The following ZBBX variants were observed in gnomAD, a reference collection of about 807,000 sequenced individuals.
ZBBX encodes zinc finger B-box domain-containing protein 1.
A neutral mutation model predicts 108.5 loss-of-function variants in ZBBX; 101 were observed. The ratio of observed to expected loss-of-function variants is 0.93; its 90% CI spans 0.79 to 1.10. The LOEUF is 1.10. Ranked by LOEUF, ZBBX falls within the 50% of genes least tolerant of loss-of-function variation. ZBBX has a pLI of 0.00. For synonymous variants in ZBBX, 356 were observed against 323.4 expected (o/e 1.10, Z -1.08); for missense variants, 1,009 against 941.4 (o/e 1.07, Z -0.94).
chr3:167,212,738 T>C, the ZBBX span, among the ~76,000 whole-genome samples: 1 of 152,008 alleles, frequency 6.6e-6, no homozygotes, highest in Non-Finnish European at 1.5e-5. Context: ...AATCCAGAAG[T>C]GCCAAGTCAT....
intron 9 of ZBBX, among the ~76,000 whole-genome samples, chr3:167,342,943 C>A (rs1308787937): frequency 2.0e-5 from 3 of 151,706 alleles, no homozygotes; most frequent in Non-Finnish European, 4.4e-5. Flanking sequence ...CAGTTTTTAT[C>A]TACCAATTAT....
At chr3:167,356,904 T>G (rs1259266658) in intron 8 of ZBBX, among the ~76,000 whole-genome samples, 3 of 152,186 alleles carry the variant, frequency 2.0e-5, no homozygotes, top group African/African-American at 4.8e-5. Context: ...GCTATCAATG[T>G]AAGTAACATT....
At chr3:167,281,734 C>T (rs372927736) in intron 20 of ZBBX, among the ~76,000 whole-genome samples, 27 of 152,250 alleles carry the variant, frequency 1.8e-4, no homozygotes, top group East Asian at 1.2e-3. Context: ...ACTGGCATCA[C>T]CTGGGTATTT....
intron 1 of ZBBX, among the ~76,000 whole-genome samples, chr3:167,396,189 T>G (rs572698979): frequency 8.5e-5 from 13 of 152,066 alleles, no homozygotes; most frequent in Non-Finnish European, 1.6e-4. Context: ...AGTCTTTATC[T>G]GCCCTACAGT....
chr3:167,336,733 T>A (rs751207753), intron 9 of ZBBX, among the ~76,000 whole-genome samples: 66 of 152,230 alleles, frequency 4.3e-4, no homozygotes, highest in Non-Finnish European at 8.1e-4. Flanking sequence ...CTCTAACAGA[T>A]TTGAACATTG....
intron 20 of ZBBX, among the ~76,000 whole-genome samples, chr3:167,266,332 T>C (rs532517821): frequency 6.6e-6 from 1 of 152,366 alleles, no homozygotes; most frequent in African/African-American, 2.4e-5. Flanking sequence ...TGTGAGTCTC[T>C]CTTCAAAAGG....
intron 12 of ZBBX, among the ~76,000 whole-genome samples, chr3:167,319,684 GT>G (rs959232947): frequency 8.9e-4 from 135 of 151,934 alleles, no homozygotes; most frequent in African/African-American, 3.1e-3. Flanking sequence ...TGGAAAATTT[GT>G]TTCTTTCAGT....
At chr3:167,188,974 A>C in the ZBBX span, among the ~76,000 whole-genome samples, 1 of 152,210 alleles carries the variant, frequency 6.6e-6, no homozygotes, top group Admixed American at 6.5e-5. Context: ...GGTGATTTTC[A>C]TACTTTACCT....
chr3:167,340,954 T>G (rs777780214), intron 9 of ZBBX, among the ~76,000 whole-genome samples: 11 of 151,948 alleles, frequency 7.2e-5, no homozygotes, highest in Non-Finnish European at 1.6e-4. Context: ...AAAACAGATA[T>G]GGTATTTGCA....
intron 20 of ZBBX, among the ~76,000 whole-genome samples, chr3:167,243,271 A>G (rs1720993431): frequency 6.6e-6 from 1 of 152,250 alleles, no homozygotes; most frequent in Non-Finnish European, 1.5e-5. Context: ...GTAACTAAAT[A>G]TCATTGTATA....
intron 20 of ZBBX, among the ~76,000 whole-genome samples, chr3:167,271,697 A>C (rs779305273): frequency 6.6e-6 from 1 of 152,156 alleles, no homozygotes. Context: ...TGTAAAAAAA[A>C]CCCAACAAAC....
chr3:167,241,049 T>A, intron 21 of ZBBX, 130 bp from the exon 22 acceptor site: 1 of 952,824 alleles, frequency 1.0e-6, no homozygotes, highest in Non-Finnish European at 1.5e-6. Flanking sequence ...TGTATCAGAC[T>A]GGGGCCATAA....
intron 18 of ZBBX, among the ~76,000 whole-genome samples, chr3:167,292,162 C>T (rs932164570): frequency 2.4e-4 from 36 of 152,232 alleles, no homozygotes; most frequent in Non-Finnish European, 4.4e-4. Context: ...AGAAAATTAA[C>T]AAGGATATCC....
chr3:167,314,223 G>A, intron 15 of ZBBX, 107 bp from the exon 16 acceptor site: 1 of 848,504 alleles, frequency 1.2e-6, no homozygotes, highest in Non-Finnish European at 1.7e-6. Flanking sequence ...AACTTTAATA[G>A]GGTTATTTAC....
the ZBBX span, among the ~76,000 whole-genome samples, chr3:167,202,255 T>C: frequency 6.6e-6 from 1 of 152,136 alleles, no homozygotes; most frequent in African/African-American, 2.4e-5. Flanking sequence ...AGGAAAAGTT[T>C]AGTTTTATTA....
intron 1 of ZBBX, among the ~76,000 whole-genome samples, chr3:167,395,947 T>G (rs1050142777): frequency 1.3e-5 from 2 of 152,006 alleles, no homozygotes; most frequent in African/African-American, 4.8e-5. Context: ...ACTTTAAGGC[T>G]TGGGTACAAA....
chr3:167,226,893 T>A, the ZBBX span, among the ~76,000 whole-genome samples: 3 of 151,760 alleles, frequency 2.0e-5, no homozygotes, highest in Non-Finnish European at 4.4e-5. Context: ...CTATGCGTAA[T>A]AACTAATAAT....
chr3:167,394,703 T>A (rs1748177413), intron 1 of ZBBX, among the ~76,000 whole-genome samples: 1 of 151,984 alleles, frequency 6.6e-6, no homozygotes, highest in Non-Finnish European at 1.5e-5. Context: ...AAACTTGACA[T>A]ATTGAGAAAT....
At chr3:167,179,838 A>G in the ZBBX span, among the ~76,000 whole-genome samples, 1 of 152,218 alleles carries the variant, frequency 6.6e-6, no homozygotes, top group East Asian at 1.9e-4. Context: ...GTTAATTTCA[A>G]AAACTGAAAC....
Sources: gnomAD v4.1 joint callset for allele counts (sites outside exome capture counted in the v4.1 genomes callset) on GRCh38, gnomAD v4.1.1 for gene constraint, MANE v1.5 for transcripts, NCBI Gene and HGNC (gene_info 2026-07-23, HGNC 2026-07-21) for gene names.